KCNMA1: variants seen among roughly 807,000 people sequenced by gnomAD.
KCNMA1 encodes Calcium-activated potassium channel subunit alpha-1.
A neutral mutation model predicts 140.0 loss-of-function variants in KCNMA1; 29 were observed. The observed-to-expected ratio is 0.21, with a 90% confidence interval of 0.15 to 0.28. The LOEUF (loss-of-function observed/expected upper bound fraction) is 0.28, where lower values mean the gene tolerates loss of function less well. Among genes scored for constraint, KCNMA1 ranks in the 10% least tolerant of loss-of-function variants. KCNMA1 has a pLI of 1.00. For synonymous variants in KCNMA1, 612 were observed against 611.9 expected, an observed-to-expected ratio of 1.00 and a Z score of 0.00; for missense variants, 880 against 1,602.2, an observed-to-expected ratio of 0.55 and a Z score of 7.70.
At chr10:77,332,014 C>A (rs2086623430) in intron 2 of KCNMA1, among the ~76,000 whole-genome samples, 1 of 152,028 alleles carries the variant, frequency 6.6e-6, no homozygotes, top group Admixed American at 6.6e-5. Flanking sequence ...CAAATATTGA[C>A]AGCACTAGAT....
chr10:77,275,602 CA>C (rs1487208895), intron 2 of KCNMA1, among the ~76,000 whole-genome samples: 2 of 152,146 alleles, frequency 1.3e-5, no homozygotes, highest in African/African-American at 4.8e-5. Flanking sequence ...GCCATAGTCC[CA>C]ATTGTTGCTC....
At chr10:77,183,359 A>G in intron 5 of KCNMA1, 62 bp downstream of exon 5, 4 of 1,128,776 alleles carry the variant, frequency 3.5e-6, no homozygotes, top group Non-Finnish European at 1.4e-6. Flanking sequence ...ATCCACTGCA[A>G]ATTCTGTCCT....
At chr10:77,082,230 T>C (rs1021543445) in intron 12 of KCNMA1, among the ~76,000 whole-genome samples, 1 of 151,804 alleles carries the variant, frequency 6.6e-6, no homozygotes, top group Non-Finnish European at 1.5e-5. Flanking sequence ...GGTTTCACCA[T>C]GTTGGTCAGG....
At chr10:77,342,299 C>G (rs764794254) in intron 2 of KCNMA1, among the ~76,000 whole-genome samples, 14 of 152,150 alleles carry the variant, frequency 9.2e-5, no homozygotes, top group Non-Finnish European at 2.9e-5. Flanking sequence ...ATATGCCAGG[C>G]ACATGCAAGG....
intron 1 of KCNMA1, among the ~76,000 whole-genome samples, chr10:77,491,075 G>A (rs1355439487): frequency 1.3e-5 from 2 of 152,266 alleles, no homozygotes; most frequent in African/African-American, 2.4e-5. Context: ...ACCTCTTTCC[G>A]TGCAAGTCAT....
chr10:77,345,572 A>G (rs892100858), intron 2 of KCNMA1, among the ~76,000 whole-genome samples: 7 of 152,232 alleles, frequency 4.6e-5, no homozygotes, highest in Non-Finnish European at 8.8e-5. Flanking sequence ...AGGGGGACAA[A>G]TGCCAACATA....
intron 5 of KCNMA1, among the ~76,000 whole-genome samples, chr10:77,153,885 C>T (rs896990178): frequency 2.6e-5 from 4 of 152,114 alleles, no homozygotes; most frequent in African/African-American, 2.4e-5. Flanking sequence ...CAGGAGTCTC[C>T]GGGCCCAGCT....
rs1347829365 is a variant in KCNMA1 at position 77,266,395 on chromosome 10, C to T, written c.541-15139G>A. Among the ~76,000 whole-genome samples the T allele has an allele frequency of 2.6e-5, 4 of 152,202 alleles. No individual in the cohort carries two copies. The East Asian group carries it at 7.7e-4, about 29-fold the overall frequency. On this transcript the variant is annotated intron_variant, in intron 2 of 27. Coordinates refer to ENST00000286628, the MANE Select transcript of KCNMA1 (RefSeq NM_001161352.2). ...GCTCCCTTTGTCCAGGTTCCACCCA[C>T]TGCAAGAACTTTTTGGCAATAATAT...
intron 1 of KCNMA1, among the ~76,000 whole-genome samples, chr10:77,405,847 G>C (rs1188599059): frequency 6.6e-6 from 1 of 152,146 alleles, no homozygotes; most frequent in Non-Finnish European, 1.5e-5. Context: ...GGCCAGGCAC[G>C]TGGGAGGCAG....
At chr10:77,154,695 G>A (rs1024134489) in intron 5 of KCNMA1, among the ~76,000 whole-genome samples, 8 of 152,166 alleles carry the variant, frequency 5.3e-5, no homozygotes, top group African/African-American at 1.9e-4. Flanking sequence ...TATTTATTAA[G>A]CACCTGCTGG....
intron 5 of KCNMA1, among the ~76,000 whole-genome samples, chr10:77,126,536 T>C (rs899082861): frequency 2.0e-5 from 3 of 152,192 alleles, no homozygotes; most frequent in African/African-American, 7.2e-5. Flanking sequence ...ATAAAAGACA[T>C]GAGCTATAGC....
chr10:77,153,479 C>T, intron 5 of KCNMA1, among the ~76,000 whole-genome samples: 1 of 152,156 alleles, frequency 6.6e-6, no homozygotes. Context: ...TCAAAGGATC[C>T]TTTCACCTCA....
intron 2 of KCNMA1, among the ~76,000 whole-genome samples, chr10:77,259,531 T>C (rs1430005282): frequency 2.0e-5 from 3 of 152,172 alleles, no homozygotes; most frequent in Non-Finnish European, 4.4e-5. Flanking sequence ...CACAAGGCCC[T>C]GAAAGCTCTG....
intron 5 of KCNMA1, among the ~76,000 whole-genome samples, chr10:77,137,058 T>A (rs1209656609): frequency 1.3e-5 from 2 of 152,096 alleles, no homozygotes; most frequent in African/African-American, 4.8e-5. Context: ...GATCTTGAAC[T>A]CCCTTCTCAG....
intron 2 of KCNMA1, among the ~76,000 whole-genome samples, chr10:77,272,495 T>C (rs2065438247): frequency 6.6e-6 from 1 of 152,174 alleles, no homozygotes; most frequent in South Asian, 2.1e-4. Flanking sequence ...TGAATGTACA[T>C]CCCTCCTGAG....
At position 77,636,526 on chromosome 10, in the gene KCNMA1, A is replaced by T. The variant is rs756521284; in HGVS notation, c.378+739T>A. ...CCCAAAGTGGGTGGCCTGGGGGCAA[A>T]GGAACAGAGGCCGAAGAACTTGGGG... On this transcript the variant is annotated intron_variant, in intron 1 of 27. Coordinates refer to ENST00000286628, the MANE Select transcript of KCNMA1 (RefSeq NM_001161352.2). 123 of 1,536,156 alleles carry T rather than the reference A, an allele frequency of 8.0e-5. No individual in the cohort carries two copies. The African/African-American group carries it at 1.7e-3, about 21-fold the overall frequency.
chr10:77,387,561 C>CT (rs1362490701), intron 2 of KCNMA1, among the ~76,000 whole-genome samples: 1 of 127,996 alleles, frequency 7.8e-6, no homozygotes, highest in Non-Finnish European at 1.7e-5. Context: ...TTTTCTTTTT[C>CT]TTTTCTTTTC....
intron 14 of KCNMA1, among the ~76,000 whole-genome samples, chr10:77,062,659 AC>A (rs2095798899): frequency 6.6e-6 from 1 of 152,222 alleles, no homozygotes; most frequent in Non-Finnish European, 1.5e-5. Flanking sequence ...CTAAGCTACC[AC>A]CAAGGGAATG....
intron 23 of KCNMA1, among the ~76,000 whole-genome samples, chr10:76,934,634 C>T (rs1428330470): frequency 2.0e-5 from 3 of 152,202 alleles, no homozygotes; most frequent in African/African-American, 7.2e-5. Context: ...ATGGAGACAA[C>T]AGGGGCACTA....
Sources: gnomAD v4.1 joint callset for allele counts (sites outside exome capture counted in the v4.1 genomes callset) on GRCh38, gnomAD v4.1.1 for gene constraint, MANE v1.5 for transcripts, NCBI Gene and HGNC (gene_info 2026-07-23, HGNC 2026-07-21) for gene names.